PPM1E: variants seen among roughly 807,000 people sequenced by gnomAD.
The protein encoded by PPM1E is protein phosphatase 1E.
A neutral mutation model predicts 65.9 loss-of-function variants in PPM1E; 20 were observed. That is an observed-to-expected ratio of 0.30 (90% CI 0.21 to 0.44). PPM1E has a LOEUF of 0.44. Ranked by LOEUF, PPM1E falls within the 20% of genes least tolerant of loss-of-function variation. PPM1E has a pLI of 1.00. For missense variants in PPM1E, 713 were observed against 953.1 expected, an observed-to-expected ratio of 0.75 and a Z score of 3.32; for synonymous variants, 352 against 374.9, an observed-to-expected ratio of 0.94 and a Z score of 0.70.
intron 1 of PPM1E, among the ~76,000 whole-genome samples, chr17:58,787,274 T>G (rs1483232115): frequency 6.6e-6 from 1 of 152,228 alleles, no homozygotes; most frequent in Admixed American, 6.5e-5. Flanking sequence ...TAAACAGTTA[T>G]GATGGCAAGA....
intron 1 of PPM1E, among the ~76,000 whole-genome samples, chr17:58,834,068 C>T (rs945954853): frequency 5.9e-5 from 9 of 152,084 alleles, no homozygotes; most frequent in South Asian, 2.1e-4. Context: ...GCATGTCTTT[C>T]GCCCATTTGG....
chr17:58,881,710 A>G (rs1031844957), intron 1 of PPM1E, among the ~76,000 whole-genome samples: 1 of 151,762 alleles, frequency 6.6e-6, no homozygotes, highest in Non-Finnish European at 1.5e-5. Context: ...CAGGCATGAT[A>G]GTGTGCACCT....
chr17:58,797,301 GCTAA>G (rs1380113905), intron 1 of PPM1E, among the ~76,000 whole-genome samples: 1 of 152,084 alleles, frequency 6.6e-6, no homozygotes, highest in Non-Finnish European at 1.5e-5. Flanking sequence ...GCATGTATCT[GCTAA>G]CTAATATCCC....
intron 1 of PPM1E, among the ~76,000 whole-genome samples, chr17:58,917,443 G>C (rs1247015799): frequency 1.3e-5 from 2 of 152,086 alleles, no homozygotes; most frequent in African/African-American, 4.8e-5. Flanking sequence ...CTCTGTGACA[G>C]TTTTTCCTAA....
intron 1 of PPM1E, among the ~76,000 whole-genome samples, chr17:58,756,792 C>G (rs1249294726): frequency 1.3e-5 from 2 of 152,238 alleles, no homozygotes; most frequent in African/African-American, 2.4e-5. Context: ...TTCACGCAAC[C>G]TTTCCCTTTC....
At chr17:58,769,547 C>T (rs942571673) in intron 1 of PPM1E, among the ~76,000 whole-genome samples, 5 of 151,964 alleles carry the variant, frequency 3.3e-5, no homozygotes, top group African/African-American at 9.7e-5. Context: ...GCCCGGGAGG[C>T]GGAGGTTGCA....
chr17:58,805,957 AAAAC>A lies in PPM1E; in HGVS notation c.464+49500_464+49503del, dbSNP rs1456747347. Among the ~76,000 whole-genome samples, 22 of 99,178 alleles carry A rather than the reference AAAAC, an allele frequency of 2.2e-4. 1 individual carries two copies. Among genetic ancestry groups the A allele is most frequent in the East Asian group, 1.4e-3 (5 of 3,600 alleles). The allele number at this position is 99,178 out of a possible 152,430, so 65.1% of individuals were successfully genotyped here. On this transcript the variant is annotated intron_variant, in intron 1 of 6. Coordinates refer to ENST00000308249, the MANE Select transcript of PPM1E (RefSeq NM_014906.5). ...GGTTCAGGCTGTTCTGCTAAAAAAAAAAACAAAAAAAAAAAACAAAAAAAAAACA... is the reference window on the plus strand; with the variant it reads ...GGTTCAGGCTGTTCTGCTAAAAAAAAAAAAAAAAAAAACAAAAAAAAAACA...
At chr17:58,917,931 C>G (rs1235114901) in intron 1 of PPM1E, among the ~76,000 whole-genome samples, 1 of 152,048 alleles carries the variant, frequency 6.6e-6, no homozygotes, top group Admixed American at 6.6e-5. Context: ...TTTTATTTTA[C>G]AGCTATGAAT....
At chr17:58,885,486 T>C (rs1243511456) in intron 1 of PPM1E, among the ~76,000 whole-genome samples, 1 of 152,226 alleles carries the variant, frequency 6.6e-6, no homozygotes, top group Non-Finnish European at 1.5e-5. Flanking sequence ...GATTAAAAGC[T>C]CTTTAGGAAT....
intron 2 of PPM1E, among the ~76,000 whole-genome samples, chr17:58,962,039 C>T (rs537440998): frequency 6.6e-6 from 1 of 152,132 alleles, no homozygotes; most frequent in African/African-American, 2.4e-5. Flanking sequence ...AATCCCAGCA[C>T]TTTGGGAGGC....
intron 2 of PPM1E, among the ~76,000 whole-genome samples, chr17:58,960,415 A>G (rs2029993347): frequency 6.6e-6 from 1 of 152,224 alleles, no homozygotes; most frequent in Non-Finnish European, 1.5e-5. Flanking sequence ...ACAGGGTTTC[A>G]GAGTAAAGAA....
intron 1 of PPM1E, among the ~76,000 whole-genome samples, chr17:58,946,194 G>C (rs184480429): frequency 6.6e-6 from 1 of 151,954 alleles, no homozygotes; most frequent in Non-Finnish European, 1.5e-5. Flanking sequence ...TCAGAAACCA[G>C]GTTCAAAGAC....
At chr17:58,950,207 C>A in intron 1 of PPM1E, among the ~76,000 whole-genome samples, 1 of 152,040 alleles carries the variant, frequency 6.6e-6, no homozygotes, top group Non-Finnish European at 1.5e-5. Flanking sequence ...ACTAAAAATA[C>A]AAAAATTAGC....
At chr17:58,891,926 C>T (rs1440322862) in intron 1 of PPM1E, among the ~76,000 whole-genome samples, 4 of 145,138 alleles carry the variant, frequency 2.8e-5, no homozygotes, top group Non-Finnish European at 4.5e-5. Context: ...ACCTGCACCT[C>T]CCCGGTTCAA....
chr17:58,957,020 T>G (rs1249038905), intron 2 of PPM1E, among the ~76,000 whole-genome samples: 1 of 152,206 alleles, frequency 6.6e-6, no homozygotes, highest in Non-Finnish European at 1.5e-5. Context: ...CAGAGTCAAG[T>G]TGGATAGAAT....
In PPM1E at chr17:58,755,854, C is replaced by G; in HGVS notation, c.-144C>G. On this transcript the variant is annotated 5_prime_UTR_variant, in exon 1 of 7. Coordinates refer to ENST00000308249, the MANE Select transcript of PPM1E (RefSeq NM_014906.5). Reference sequence around the variant, plus strand: ...GGCGGCGCGCACGCCTGCGGGAGCCCTCTCCAGGCAACCTAGTGCTGATCG... The same window carrying G: ...GGCGGCGCGCACGCCTGCGGGAGCCGTCTCCAGGCAACCTAGTGCTGATCG... 2.1e-6 allele frequency: 3 copies of G among 1,426,494 alleles called. No individual in the cohort carries two copies. The highest frequency in any genetic ancestry group is 1.8e-6 in the Non-Finnish European group (2 of 1,090,350). 88.4% of individuals were successfully genotyped at this position (1,426,494 alleles called of 1,614,324 possible).
At chr17:58,868,679 T>G (rs1380382850) in intron 1 of PPM1E, among the ~76,000 whole-genome samples, 1 of 151,862 alleles carries the variant, frequency 6.6e-6, no homozygotes, top group African/African-American at 2.4e-5. Context: ...AATTGTAAAC[T>G]CATAACCTTA....
At chr17:58,794,763 A>G (rs1231247763) in intron 1 of PPM1E, among the ~76,000 whole-genome samples, 2 of 152,156 alleles carry the variant, frequency 1.3e-5, no homozygotes, top group East Asian at 3.8e-4. Context: ...TTATGGCTGC[A>G]TAGTATTCCA....
At chr17:58,865,577 G>A (rs1483231272) in intron 1 of PPM1E, among the ~76,000 whole-genome samples, 1 of 152,088 alleles carries the variant, frequency 6.6e-6, no homozygotes, top group African/African-American at 2.4e-5. Context: ...GTGCACACTT[G>A]TAGTTCGATT....
Sources: gnomAD v4.1 joint callset for allele counts (sites outside exome capture counted in the v4.1 genomes callset) on GRCh38, gnomAD v4.1.1 for gene constraint, MANE v1.5 for transcripts, NCBI Gene and HGNC (gene_info 2026-07-23, HGNC 2026-07-21) for gene names.